Variants in CD40 observed in about 807,000 individuals in gnomAD.
The protein encoded by CD40 is tumor necrosis factor receptor superfamily member 5.
A neutral mutation model predicts 38.5 loss-of-function variants in CD40; 19 were observed. The ratio of observed to expected loss-of-function variants is 0.49; its 90% confidence interval spans 0.34 to 0.72. The LOEUF (loss-of-function observed/expected upper bound fraction) is 0.72, where lower values mean the gene tolerates loss of function less well. CD40 is among the 30% of genes least tolerant of loss of function. The probability of loss-of-function intolerance (pLI) is 0.01; values close to 1 mark genes in which losing one functional copy is unlikely to be tolerated. For synonymous variants in CD40, 130 were observed against 128.7 expected (o/e 1.01, Z -0.07); for missense variants, 256 against 344.1 (o/e 0.74, Z 2.03).
chr20:46,123,976 A>T (rs1008914597), intron 5 of CD40, among the ~76,000 whole-genome samples: 4 of 152,108 alleles, frequency 2.6e-5, no homozygotes, highest in Non-Finnish European at 4.4e-5. Flanking sequence ...ATTCTCTTCC[A>T]TCAAACTCAT....
At chr20:46,119,012 T>TG (rs11480150) in intron 1 of CD40, among the ~76,000 whole-genome samples, 152,116 of 152,172 alleles carry the variant, frequency 1, 76,030 homozygotes, top group Middle Eastern at 1. Flanking sequence ...AGGAGACCCC[T>TG]GGGGAGATGA....
intron 5 of CD40, 90 bp from the exon 6 acceptor site, chr20:46,126,550 C>G (rs549353544): frequency 3.5e-4 from 517 of 1,474,898 alleles, no homozygotes; most frequent in Non-Finnish European, 4.4e-4. Flanking sequence ...TTGACTGACT[C>G]ACTCTAGAGT....
At chr20:46,121,921 C>G (rs1280882305) in intron 2 of CD40, 23 bp downstream of exon 2, 1 of 1,592,460 alleles carries the variant, frequency 6.3e-7, no homozygotes, top group Non-Finnish European at 8.6e-7. Flanking sequence ...CCCTCTAGCC[C>G]CATCATGGAG....
At chr20:46,124,961 G>A (rs958846141) in intron 5 of CD40, among the ~76,000 whole-genome samples, 16 of 151,326 alleles carry the variant, frequency 1.1e-4, no homozygotes, top group South Asian at 6.3e-4. Flanking sequence ...TAGAGACGGC[G>A]TTTCACCGTG....
chr20:46,121,693 G>C (rs748137498), intron 1 of CD40, 127 bp from the exon 2 acceptor site: 17 of 788,412 alleles, frequency 2.2e-5, no homozygotes, highest in Admixed American at 3.4e-5. Context: ...TATCATGCAG[G>C]TTCCACTTTC....
intron 5 of CD40, among the ~76,000 whole-genome samples, chr20:46,124,496 AACACACAC>A (rs756357206): frequency 2.7e-4 from 41 of 149,608 alleles, no homozygotes; most frequent in African/African-American, 8.3e-4. Context: ...TAAACAAACC[AACACACAC>A]ACACACACAC....
In CD40 at chr20:46,122,541, A is replaced by C; in HGVS notation, c.257-69A>C. The C allele has an allele frequency of 6.2e-7, 1 of 1,603,114 alleles. No homozygotes were observed. The highest frequency in any genetic ancestry group is 8.5e-7 in the Non-Finnish European group (1 of 1,170,228). The stretch of plus-strand genomic sequence containing the variant: ...GGGTCTGAGGAAGAAAGAGCAGGCA[A>C]TGTGGGGAGTGAGGCTCAGAGCATG... On this transcript the variant is annotated intron_variant, in intron 3 of 8. Transcript: ENST00000372285. This position sits in a 1 kb window ranked among gnomAD's most constrained non-coding sequence, Gnocchi z 5.0.
At chr20:46,126,555 T>C in intron 5 of CD40, 85 bp from the exon 6 acceptor site, 1 of 1,530,432 alleles carries the variant, frequency 6.5e-7, no homozygotes. Context: ...TGACTCACTC[T>C]AGAGTTGGAA....
rs550083042 is a variant in CD40, at chr20:46,120,391, C to A, written c.52-1429C>A. On this transcript the variant is annotated intron_variant, in intron 1 of 8. Transcript: ENST00000372285. ...ACTAGTAAGTGTTACAAAGTCAGGA[C>A]TGGAGTCTAAAGCTGTCTGACTCTC... Among the ~76,000 whole-genome samples the A allele has an allele frequency of 5.9e-5, 9 of 152,362 alleles. No homozygotes were observed. The South Asian group carries it at 1.9e-3, about 32-fold the overall frequency.
At chr20:46,120,310 G>C (rs1323691488) in intron 1 of CD40, among the ~76,000 whole-genome samples, 1 of 152,234 alleles carries the variant, frequency 6.6e-6, no homozygotes, top group African/African-American at 2.4e-5. Flanking sequence ...CTGCAGGGCA[G>C]GCATTATTAC....
At chr20:46,128,507 C>A in intron 8 of CD40, 149 bp downstream of exon 8, 3 of 849,182 alleles carry the variant, frequency 3.5e-6, no homozygotes, top group Non-Finnish European at 5.9e-6. Context: ...CCCCACCCAC[C>A]ATGCTCCTTC....
chr20:46,124,127 A>G (rs1431521621), intron 5 of CD40, among the ~76,000 whole-genome samples: 3 of 152,092 alleles, frequency 2.0e-5, no homozygotes, highest in African/African-American at 7.2e-5. Context: ...GTAAAAACCC[A>G]TCTCTACTAA....
At chr20:46,118,992 A>G (rs908609921) in intron 1 of CD40, among the ~76,000 whole-genome samples, 2 of 110,278 alleles carry the variant, frequency 1.8e-5, no homozygotes, top group African/African-American at 7.3e-5. Flanking sequence ...TCCTGAATTT[A>G]AGATGACATA....
chr20:46,118,483 G>A lies in CD40; in HGVS notation c.51+89G>A, dbSNP rs1002599530. The A allele has an allele frequency of 9.3e-5, 112 of 1,204,562 alleles. No homozygotes were observed. The African/African-American group carries it at 1.6e-3, about 17-fold the overall frequency. 74.6% of individuals were successfully genotyped at this position (1,204,562 alleles called of 1,614,324 possible). On this transcript the variant is annotated intron_variant, in intron 1 of 8. Coordinates refer to ENST00000372285, the MANE Select transcript of CD40 (RefSeq NM_001250.6). Reference sequence around the variant, plus strand: ...AAGACTTCGGGGAAGAGGCCTTCCTGGCTGATTTTTGTGGGGGCAGGAGGG... The same window carrying A: ...AAGACTTCGGGGAAGAGGCCTTCCTAGCTGATTTTTGTGGGGGCAGGAGGG...
At chr20:46,119,777 T>C (rs1209638746) in intron 1 of CD40, among the ~76,000 whole-genome samples, 1 of 152,166 alleles carries the variant, frequency 6.6e-6, no homozygotes, top group Admixed American at 6.5e-5. Context: ...AGCTAGCTAA[T>C]GGAAGAACCT....
At chr20:46,128,725 GC>G in intron 8 of CD40, 156 bp from the exon 9 acceptor site, 1 of 760,048 alleles carries the variant, frequency 1.3e-6, no homozygotes, top group Non-Finnish European at 2.2e-6. Flanking sequence ...CCTTGGTGTG[GC>G]CAGCAGGGGG....
chr20:46,124,402 T>G (rs1198203179), intron 5 of CD40, among the ~76,000 whole-genome samples: 2 of 152,170 alleles, frequency 1.3e-5, no homozygotes, highest in African/African-American at 4.8e-5. Flanking sequence ...AGTGATGTCT[T>G]TCTCCCATCC....
intron 1 of CD40, among the ~76,000 whole-genome samples, chr20:46,121,453 A>C (rs2145589082): frequency 1.3e-5 from 2 of 152,330 alleles, no homozygotes; most frequent in South Asian, 4.1e-4. Flanking sequence ...CACTGGGACC[A>C]GCTGAAGTCA....
At position 46,122,984 on chromosome 20, in the gene CD40, C is replaced by T; in HGVS notation, c.404-142C>T. The T allele has an allele frequency of 1.2e-6, 1 of 867,764 alleles. No homozygotes were observed. 53.8% of individuals were successfully genotyped at this position (867,764 alleles called of 1,614,324 possible). ...ATGGGAGAAGTCCTCCTGGGGACTG[C>T]AGCTGTCGGGGGCAGTACCACATCG... is the stretch of plus-strand genomic sequence containing the variant. On this transcript the variant is annotated intron_variant, in intron 4 of 8. Coordinates refer to ENST00000372285, the MANE Select transcript of CD40 (RefSeq NM_001250.6). This position sits in a 1 kb window ranked among gnomAD's most constrained non-coding sequence, Gnocchi z 5.0.
Sources: allele counts gnomAD v4.1 joint callset (sites outside exome capture counted in the v4.1 genomes callset), GRCh38; gene constraint gnomAD v4.1.1; non-coding constraint Gnocchi (gnomAD v3.1); transcripts MANE v1.5; gene names NCBI Gene and HGNC (gene_info 2026-07-23, HGNC 2026-07-21).